Variants in ZDHHC21 observed in about 807,000 individuals in gnomAD.
The protein encoded by ZDHHC21 is zDHHC palmitoyltransferase 21.
Under a neutral mutation model 34.6 loss-of-function variants are expected in ZDHHC21, and 15 were observed. That is an observed-to-expected ratio of 0.43 (90% CI 0.29 to 0.67). The LOEUF is 0.67. ZDHHC21 is among the 30% of genes least tolerant of loss of function. The pLI, the probability that ZDHHC21 is intolerant of heterozygous loss-of-function variation, is 0.14. For synonymous variants in ZDHHC21, 142 were observed against 101.8 expected (o/e 1.40, Z -2.38); for missense variants, 344 against 327.7 (o/e 1.05, Z -0.38).
chr9:14,631,246 T>C (rs1329769139), intron 8 of ZDHHC21, among the ~76,000 whole-genome samples: 3 of 152,238 alleles, frequency 2.0e-5, no homozygotes. Flanking sequence ...CTGCTTCACC[T>C]TGCATTTTTT....
At chr9:14,637,134 T>C (rs1382604275) in intron 8 of ZDHHC21, among the ~76,000 whole-genome samples, 6 of 151,798 alleles carry the variant, frequency 4.0e-5, no homozygotes, top group Non-Finnish European at 7.4e-5. Flanking sequence ...TTTGAAAAGA[T>C]AAACAAGTGA....
intron 1 of ZDHHC21, among the ~76,000 whole-genome samples, chr9:14,690,621 G>A (rs907445306): frequency 6.6e-6 from 1 of 151,992 alleles, no homozygotes. Flanking sequence ...AAGGCAGAAG[G>A]CAAACTTCAA....
At chr9:14,680,796 C>G (rs540053816) in intron 2 of ZDHHC21, among the ~76,000 whole-genome samples, 1 of 152,266 alleles carries the variant, frequency 6.6e-6, no homozygotes, top group South Asian at 2.1e-4. Context: ...GACTAGCAAA[C>G]AGACAAGACC....
At position 14,618,851 on chromosome 9, in the gene ZDHHC21, C is replaced by A; in HGVS notation, c.*115G>T. On this transcript the variant is annotated 3_prime_UTR_variant, in exon 10 of 10. Coordinates refer to ENST00000380916, the MANE Select transcript of ZDHHC21 (RefSeq NM_178566.6). ...ATAAAGCCTGGGGCACATTATGATG[C>A]CTAAGACTGGTGGGTGGATTTTAAT... 8.2e-7 allele frequency: 1 copy of A among 1,212,830 alleles called. No individual in the cohort carries two copies. Among genetic ancestry groups the A allele is most frequent in the Non-Finnish European group, 1.1e-6 (1 of 910,878 alleles). 75.1% of individuals were successfully genotyped at this position (1,212,830 alleles called of 1,614,324 possible).
At chr9:14,655,383 AAGAGT>A (rs1832019272) in intron 7 of ZDHHC21, among the ~76,000 whole-genome samples, 1 of 151,942 alleles carries the variant, frequency 6.6e-6, no homozygotes, top group South Asian at 2.1e-4. Flanking sequence ...CTCAGGTATA[AAGAGT>A]ACTAGAAAAA....
chr9:14,597,317 C>T, the ZDHHC21 span, among the ~76,000 whole-genome samples: 1 of 152,076 alleles, frequency 6.6e-6, no homozygotes, highest in South Asian at 2.1e-4. Context: ...TGCAGCAGAA[C>T]AATGCTGGCT....
At chr9:14,592,234 A>C in the ZDHHC21 span, among the ~76,000 whole-genome samples, 1 of 152,082 alleles carries the variant, frequency 6.6e-6, no homozygotes, top group South Asian at 2.1e-4. Context: ...TAGTGTAACA[A>C]TTAGAATGTC....
At chr9:14,630,115 T>A (rs1445964418) in intron 8 of ZDHHC21, among the ~76,000 whole-genome samples, 1 of 152,152 alleles carries the variant, frequency 6.6e-6, no homozygotes, top group African/African-American at 2.4e-5. Flanking sequence ...CATGAACGAT[T>A]TCTCTGTAGC....
rs1305229783 is a variant in ZDHHC21, at chr9:14,693,330, C to T, written c.-326G>A. On this transcript the variant is annotated 5_prime_UTR_variant, in exon 1 of 10. Transcript: ENST00000380916. ...ACCTCCGCCTCCTCCGGCGCCGCCG[C>T]CCAGGCCGGGCCGCTCTCCCCTTCC... 1 of 413,582 alleles carries T rather than the reference C, an allele frequency of 2.4e-6. No homozygotes were observed. Among genetic ancestry groups the T allele is most frequent in the Admixed American group, 2.7e-5 (1 of 37,148 alleles). The allele number at this position is 413,582 out of a possible 1,614,324, so 25.6% of individuals were successfully genotyped here.
downstream of ZDHHC21, among the ~76,000 whole-genome samples, chr9:14,609,916 A>C (rs896377535): frequency 3.9e-5 from 6 of 152,074 alleles, no homozygotes; most frequent in Non-Finnish European, 8.8e-5. Context: ...ACTTCTCCAG[A>C]TACTTCTAAC....
downstream of ZDHHC21, among the ~76,000 whole-genome samples, chr9:14,608,064 A>C (rs928138078): frequency 8.5e-5 from 13 of 152,322 alleles, no homozygotes; most frequent in Middle Eastern, 3.4e-3. Flanking sequence ...TTACAAGTGC[A>C]GACCATCCAA....
At chr9:14,678,191 C>G (rs1044008607) in intron 3 of ZDHHC21, among the ~76,000 whole-genome samples, 1 of 151,968 alleles carries the variant, frequency 6.6e-6, no homozygotes, top group Non-Finnish European at 1.5e-5. Flanking sequence ...TCTTTTTCTT[C>G]TAAATTTCAT....
chr9:14,624,683 T>C (rs1825903103), intron 8 of ZDHHC21, among the ~76,000 whole-genome samples: 2 of 152,030 alleles, frequency 1.3e-5, no homozygotes, highest in Non-Finnish European at 2.9e-5. Flanking sequence ...GGATGGTCGA[T>C]GGGTACAAAG....
intron 7 of ZDHHC21, among the ~76,000 whole-genome samples, chr9:14,652,987 A>C (rs995586279): frequency 1.3e-5 from 2 of 151,998 alleles, no homozygotes; most frequent in Non-Finnish European, 2.9e-5. Flanking sequence ...TGCAGACTAC[A>C]GCTTTTGCTT....
In ZDHHC21 at chr9:14,644,948, C is replaced by G. The variant is rs143725117; in HGVS notation, c.505-4936G>C. Among the ~76,000 whole-genome samples, 1,448 of 151,714 alleles carry G rather than the reference C, an allele frequency of 9.5e-3. 27 individuals are homozygous for G. Among genetic ancestry groups the G allele is most frequent in the African/African-American group, 0.034 (1,391 of 41,372 alleles). On this transcript the variant is annotated intron_variant, in intron 7 of 9. Coordinates refer to ENST00000380916, the MANE Select transcript of ZDHHC21 (RefSeq NM_178566.6). Reference sequence around the variant, plus strand: ...TACCATGAGGCTCATATAAACAGAGCAAGGTAGGAAAGTCGGTTCTACTGC... The same window carrying G: ...TACCATGAGGCTCATATAAACAGAGGAAGGTAGGAAAGTCGGTTCTACTGC...
chr9:14,594,358 C>T, the ZDHHC21 span, among the ~76,000 whole-genome samples: 18 of 152,232 alleles, frequency 1.2e-4, no homozygotes, highest in South Asian at 1.5e-3. Flanking sequence ...ATTGTTATAA[C>T]GATAAGAACA....
At chr9:14,691,080 T>C (rs1839082707) in intron 1 of ZDHHC21, among the ~76,000 whole-genome samples, 1 of 152,234 alleles carries the variant, frequency 6.6e-6, no homozygotes, top group Non-Finnish European at 1.5e-5. Context: ...GTATTGATAC[T>C]GCCACTGTGT....
chr9:14,608,091 T>A (rs1823074065), downstream of ZDHHC21, among the ~76,000 whole-genome samples: 1 of 152,164 alleles, frequency 6.6e-6, no homozygotes, highest in Admixed American at 6.5e-5. Flanking sequence ...TTCATACTGG[T>A]TACTTCTAGA....
At chr9:14,661,966 T>C (rs755551361) in intron 6 of ZDHHC21, among the ~76,000 whole-genome samples, 6 of 152,088 alleles carry the variant, frequency 3.9e-5, no homozygotes, top group Non-Finnish European at 8.8e-5. Context: ...CTTAATCCTT[T>C]TGTATATCAG....
Sources: allele counts gnomAD v4.1 joint callset (sites outside exome capture counted in the v4.1 genomes callset), GRCh38; gene constraint gnomAD v4.1.1; transcripts MANE v1.5; gene names NCBI Gene and HGNC (gene_info 2026-07-23, HGNC 2026-07-21).